STRBP: variants seen among roughly 807,000 people sequenced by gnomAD.
STRBP encodes spermatid perinuclear RNA-binding protein.
A neutral mutation model predicts 80.1 loss-of-function variants in STRBP; 13 were observed. The observed-to-expected ratio is 0.16, with a 90% CI of 0.11 to 0.26. The LOEUF is 0.26. STRBP is among the 10% of genes least tolerant of loss of function. The pLI, the probability that STRBP is intolerant of heterozygous loss-of-function variation, is 1.00. For missense variants in STRBP, 485 were observed against 815.2 expected (o/e 0.59, Z 4.93); for synonymous variants, 284 against 291.2 (o/e 0.98, Z 0.25).
At chr9:123,257,671 A>G (rs1197721413) in intron 1 of STRBP, among the ~76,000 whole-genome samples, 1 of 152,164 alleles carries the variant, frequency 6.6e-6, no homozygotes, top group East Asian at 1.9e-4. Context: ...GTTTTTAATT[A>G]GCCAGGCATG....
intron 11 of STRBP, among the ~76,000 whole-genome samples, chr9:123,156,823 A>C (rs530448244): frequency 1.3e-5 from 2 of 152,222 alleles, no homozygotes; most frequent in African/African-American, 4.8e-5. Flanking sequence ...GATATCTAAA[A>C]GTAGAGTAAT....
chr9:123,234,067 G>A (rs930063387), intron 2 of STRBP, among the ~76,000 whole-genome samples: 1 of 151,962 alleles, frequency 6.6e-6, no homozygotes, highest in Non-Finnish European at 1.5e-5. Context: ...CAGGCGTGGT[G>A]GCGGGCGCCT....
chr9:123,184,258 C>A lies in STRBP; in HGVS notation c.-124G>T. 1 of 849,158 alleles carries A rather than the reference C, an allele frequency of 1.2e-6. No individual in the cohort carries two copies. The highest frequency in any genetic ancestry group is 2.1e-5 in the South Asian group (1 of 48,516). The allele number at this position is 849,158 out of a possible 1,614,324, so 52.6% of individuals were successfully genotyped here. On this transcript the variant is annotated 5_prime_UTR_variant, in exon 3 of 19. Transcript: ENST00000348403. ...CCTGAGTCCCCTGACAGCTCAGCGTCAATATAGCAAATGTCTGAAGGCTTG... is the reference window on the plus strand; with the variant it reads ...CCTGAGTCCCCTGACAGCTCAGCGTAAATATAGCAAATGTCTGAAGGCTTG...
At chr9:123,148,818 A>G (rs552625439) in intron 11 of STRBP, among the ~76,000 whole-genome samples, 29 of 152,302 alleles carry the variant, frequency 1.9e-4, no homozygotes, top group Middle Eastern at 3.4e-3. Context: ...TGCTCTTTGA[A>G]GGTCAAAGAT....
chr9:123,263,690 G>C (rs866969604), intron 1 of STRBP, among the ~76,000 whole-genome samples: 16 of 151,982 alleles, frequency 1.1e-4, no homozygotes, highest in African/African-American at 3.9e-4. Context: ...CAAAGCATAC[G>C]GAAATACCAA....
intron 14 of STRBP, among the ~76,000 whole-genome samples, chr9:123,137,796 G>A (rs1281401506): frequency 4.6e-5 from 7 of 152,172 alleles, no homozygotes; most frequent in Non-Finnish European, 7.3e-5. Flanking sequence ...AGTGGTTGAT[G>A]CTTCAGACGT....
intron 11 of STRBP, among the ~76,000 whole-genome samples, chr9:123,153,933 A>C (rs2037168915): frequency 6.6e-6 from 1 of 152,224 alleles, no homozygotes; most frequent in Non-Finnish European, 1.5e-5. Context: ...GAACAAAGAC[A>C]GCTGAGGAGA....
At position 123,123,095 on chromosome 9, in the gene STRBP, T is replaced by G. The variant is rs1291100297; in HGVS notation, c.*2502A>C. 1.4e-5 allele frequency: 14 copies of G among 985,282 alleles called. No homozygotes were observed. Among genetic ancestry groups the G allele is most frequent in the Non-Finnish European group, 1.7e-5 (14 of 829,942 alleles). The allele number at this position is 985,282 out of a possible 1,614,324, so 61.0% of individuals were successfully genotyped here. On this transcript the variant is annotated 3_prime_UTR_variant, in exon 19 of 19. Transcript: ENST00000348403. ...AAGACCAAGACATAGAAATTGCCATTTCAAGCCAGACAACCTGATGGTTCT... is the reference window on the plus strand; with the variant it reads ...AAGACCAAGACATAGAAATTGCCATGTCAAGCCAGACAACCTGATGGTTCT...
chr9:123,141,252 C>T (rs369648186), intron 13 of STRBP, among the ~76,000 whole-genome samples: 1 of 152,096 alleles, frequency 6.6e-6, no homozygotes, highest in Admixed American at 6.6e-5. Context: ...GAAGTCTGTA[C>T]CAAGAGAACT....
chr9:123,208,927 T>C (rs1229020988), intron 2 of STRBP, among the ~76,000 whole-genome samples: 1 of 152,162 alleles, frequency 6.6e-6, no homozygotes, highest in Non-Finnish European at 1.5e-5. Context: ...ACTTTAGCTG[T>C]CTCAAGTGTA....
intron 3 of STRBP, among the ~76,000 whole-genome samples, chr9:123,183,738 A>T (rs1206141713): frequency 6.6e-6 from 1 of 152,212 alleles, no homozygotes; most frequent in East Asian, 1.9e-4. Context: ...CACACATATT[A>T]TAAACTTCTA....
chr9:123,159,301 C>A, intron 8 of STRBP, 94 bp from the exon 9 acceptor site: 1 of 768,384 alleles, frequency 1.3e-6, no homozygotes, highest in Non-Finnish European at 2.0e-6. Flanking sequence ...CAAGGGAGGC[C>A]AAAGAGTGAA....
At chr9:123,239,835 C>T (rs894967496) in intron 1 of STRBP, among the ~76,000 whole-genome samples, 4 of 152,150 alleles carry the variant, frequency 2.6e-5, no homozygotes, top group African/African-American at 4.8e-5. Flanking sequence ...CCACCTGACA[C>T]GAGAAGTACT....
chr9:123,203,554 G>C (rs878937081), intron 2 of STRBP, among the ~76,000 whole-genome samples: 1 of 151,964 alleles, frequency 6.6e-6, no homozygotes, highest in African/African-American at 2.4e-5. Context: ...CCTTGCTGAC[G>C]TTCCCACCTC....
At chr9:123,190,553 C>T (rs1034413279) in intron 2 of STRBP, among the ~76,000 whole-genome samples, 3 of 152,052 alleles carry the variant, frequency 2.0e-5, no homozygotes, top group African/African-American at 2.4e-5. Context: ...TTCCAAATTC[C>T]GGCTATTCCT....
At chr9:123,131,425 C>T (rs1370276240) in intron 17 of STRBP, among the ~76,000 whole-genome samples, 1 of 152,210 alleles carries the variant, frequency 6.6e-6, no homozygotes, top group African/African-American at 2.4e-5. Flanking sequence ...ACATTCCACA[C>T]ATTCTGGACT....
rs949237780 is a variant in STRBP at position 123,122,612 on chromosome 9, A to G, written c.*2985T>C. The G allele has an allele frequency of 9.3e-7, 1 of 1,072,642 alleles. No individual in the cohort carries two copies. The highest frequency in any genetic ancestry group is 1.1e-6 in the Non-Finnish European group (1 of 883,336). 66.4% of individuals were successfully genotyped at this position (1,072,642 alleles called of 1,614,324 possible). On this transcript the variant is annotated 3_prime_UTR_variant, in exon 19 of 19. Transcript: ENST00000348403. ...TCAGCATGAGGTATGTTGGAAATCT[A>G]CTGGACCAATTACCTTGCACAAGAG...
intron 1 of STRBP, among the ~76,000 whole-genome samples, chr9:123,255,242 T>C (rs1398164271): frequency 6.6e-6 from 1 of 152,236 alleles, no homozygotes; most frequent in African/African-American, 2.4e-5. Context: ...AGAAATGTTT[T>C]GGCAACTAAC....
chr9:123,170,154 T>C (rs1167138755), intron 5 of STRBP, 108 bp from the exon 6 acceptor site: 1 of 1,113,942 alleles, frequency 9.0e-7, no homozygotes. Flanking sequence ...TTAATATTAC[T>C]GTGCTCAAAG....
Sources: gnomAD v4.1 joint callset for allele counts (sites outside exome capture counted in the v4.1 genomes callset) on GRCh38, gnomAD v4.1.1 for gene constraint, MANE v1.5 for transcripts, NCBI Gene and HGNC (gene_info 2026-07-23, HGNC 2026-07-21) for gene names.